The following FBXW11 variants were observed in gnomAD, a reference collection of about 807,000 sequenced individuals.
The protein encoded by FBXW11 is F-box and WD repeat domain containing 11, also known as F-box/WD repeat-containing protein 11.
A neutral mutation model predicts 77.6 loss-of-function variants in FBXW11; 19 were observed. That is an observed-to-expected ratio of 0.24 (90% CI 0.17 to 0.36). The LOEUF is 0.36. Among genes scored for constraint, FBXW11 ranks in the 10% least tolerant of loss-of-function variants. The pLI is 1.00. For synonymous variants in FBXW11, 235 were observed against 249.4 expected, an observed-to-expected ratio of 0.94 and a Z score of 0.54; for missense variants, 334 against 704.2, an observed-to-expected ratio of 0.47 and a Z score of 5.95.
At chr5:171,917,424 G>T (rs554916390) in intron 2 of FBXW11, among the ~76,000 whole-genome samples, 13 of 152,256 alleles carry the variant, frequency 8.5e-5, no homozygotes, top group Admixed American at 7.2e-4. Flanking sequence ...ACAGAGAAAT[G>T]ATGTTTACTT....
At chr5:171,991,270 C>T (rs1235811578) in intron 1 of FBXW11, among the ~76,000 whole-genome samples, 1 of 152,108 alleles carries the variant, frequency 6.6e-6, no homozygotes, top group Non-Finnish European at 1.5e-5. Context: ...CGCAGGAGGC[C>T]TAGGAATTAG....
chr5:171,902,083 C>T lies in FBXW11; in HGVS notation c.437-1983G>A, dbSNP rs1222248638. Among the ~76,000 whole-genome samples, 6 of 152,222 alleles carry T rather than the reference C, an allele frequency of 3.9e-5. No individual in the cohort carries two copies. The East Asian group carries it at 1.2e-3, about 29-fold the overall frequency. On this transcript the variant is annotated intron_variant, in intron 4 of 13. Transcript: ENST00000517395. ...GCCCAGGGCACCCACACTGCGACAT[C>T]CGGTCTGTAGTCATCTATATGTGCC... is the stretch of plus-strand genomic sequence containing the variant.
chr5:171,887,078 T>C (rs1758954199), intron 7 of FBXW11, among the ~76,000 whole-genome samples: 1 of 152,152 alleles, frequency 6.6e-6, no homozygotes, highest in South Asian at 2.1e-4. Context: ...TTTTGGAACT[T>C]GGGAAACACT....
chr5:171,949,699 A>C (rs893586281), intron 2 of FBXW11, among the ~76,000 whole-genome samples: 1 of 152,190 alleles, frequency 6.6e-6, no homozygotes, highest in Admixed American at 6.5e-5. Flanking sequence ...CTCATATAAC[A>C]ACCACAGAAA....
At chr5:171,974,876 C>A (rs1050372149) in intron 1 of FBXW11, among the ~76,000 whole-genome samples, 10 of 152,314 alleles carry the variant, frequency 6.6e-5, no homozygotes, top group Non-Finnish European at 8.8e-5. Flanking sequence ...CTCACTGCAA[C>A]CTCAACCTCC....
chr5:171,905,056 T>G (rs907455047), intron 4 of FBXW11, among the ~76,000 whole-genome samples: 44 of 152,206 alleles, frequency 2.9e-4, no homozygotes, highest in African/African-American at 1.1e-3. Context: ...TCAAATGCCA[T>G]CAGTCCAATT....
intron 13 of FBXW11, among the ~76,000 whole-genome samples, chr5:171,867,403 A>G (rs1757468502): frequency 6.6e-6 from 1 of 151,896 alleles, no homozygotes; most frequent in South Asian, 2.1e-4. Context: ...AATTCTTTTA[A>G]TTTTTTTAAG....
chr5:171,975,304 A>C (rs1764767240), intron 1 of FBXW11, among the ~76,000 whole-genome samples: 1 of 152,210 alleles, frequency 6.6e-6, no homozygotes, highest in South Asian at 2.1e-4. Flanking sequence ...GGAACATGAG[A>C]GTTTACAGAG....
intron 1 of FBXW11, among the ~76,000 whole-genome samples, chr5:171,983,681 G>C (rs535558894): frequency 2.0e-5 from 3 of 152,174 alleles, no homozygotes; most frequent in Non-Finnish European, 2.9e-5. Context: ...CTGTGTTCAT[G>C]ACTGCTGTTG....
chr5:171,936,716 A>T (rs1185264047), intron 2 of FBXW11, among the ~76,000 whole-genome samples: 1 of 152,170 alleles, frequency 6.6e-6, no homozygotes, highest in Non-Finnish European at 1.5e-5. Context: ...AACAAAAAAT[A>T]AAAATTCATA....
intron 1 of FBXW11, among the ~76,000 whole-genome samples, chr5:171,980,884 T>C (rs954034277): frequency 6.6e-6 from 1 of 152,188 alleles, no homozygotes; most frequent in East Asian, 1.9e-4. Context: ...GCCTGAGTGA[T>C]AGTATTGAGA....
intron 6 of FBXW11, among the ~76,000 whole-genome samples, chr5:171,892,229 C>T (rs1759397574): frequency 6.6e-6 from 1 of 152,212 alleles, no homozygotes; most frequent in South Asian, 2.1e-4. Context: ...AGGAGACATA[C>T]TGCATTCAGG....
Position 172,002,170 on chromosome 5 carries a change from G to A in FBXW11, c.45+4288C>T, listed in dbSNP as rs73329863. Among the ~76,000 whole-genome samples, 1,496 of 152,228 alleles carry A rather than the reference G, an allele frequency of 9.8e-3. 20 individuals carry two copies. Among genetic ancestry groups the A allele is most frequent in the African/African-American group, 0.034 (1,406 of 41,518 alleles). On this transcript the variant is annotated intron_variant, in intron 1 of 13. Transcript: ENST00000517395. The stretch of plus-strand genomic sequence containing the variant: ...CAGGCTCAAACAACACTAGTAAGAG[G>A]CATATATGTGCTGTTGTGAATCTAT...
At position 171,951,196 on chromosome 5, in the gene FBXW11, G is replaced by A. The variant is rs535186082; in HGVS notation, c.147+6401C>T. 4.3e-4 allele frequency among the ~76,000 whole-genome samples: 37 copies of A among 86,590 alleles called. No homozygotes were observed. The South Asian group carries it at 0.018, about 41-fold the overall frequency. 56.8% of individuals were successfully genotyped at this position (86,590 alleles called of 152,430 possible). On this transcript the variant is annotated intron_variant, in intron 2 of 13. Transcript: ENST00000517395. ...CTGAAGTTCCTATAATACAACCCCC[G>A]CCACAAAAGACAAAAAAAAAATTGT...
At chr5:171,967,242 G>C (rs1764239878) in intron 1 of FBXW11, among the ~76,000 whole-genome samples, 1 of 152,096 alleles carries the variant, frequency 6.6e-6, no homozygotes, top group African/African-American at 2.4e-5. Flanking sequence ...TTATCAAGGA[G>C]ACAAAATAAA....
rs576486669 is a variant in FBXW11, at chr5:171,861,897, T to C, written c.*2230A>G. 2 of 152,762 alleles carry C rather than the reference T, an allele frequency of 1.3e-5. No individual in the cohort carries two copies. Among genetic ancestry groups the C allele is most frequent in the African/African-American group, 4.8e-5 (2 of 41,564 alleles). 9.5% of individuals were successfully genotyped at this position (152,762 alleles called of 1,614,324 possible). ...GCAGTAATTTACATTTGCTCAGTTA[T>C]GGTTAGCAAAATAAAGTCCAGAGTA... On this transcript the variant is annotated 3_prime_UTR_variant, in exon 14 of 14. Coordinates refer to ENST00000517395, the MANE Select transcript of FBXW11 (RefSeq NM_001378974.1).
At position 171,905,521 on chromosome 5, in the gene FBXW11, G is replaced by A. The variant is rs887029715; in HGVS notation, c.436+5051C>T. Among the ~76,000 whole-genome samples the A allele has an allele frequency of 6.0e-5, 9 of 151,134 alleles. No individual in the cohort carries two copies. The East Asian group carries it at 1.6e-3, about 26-fold the overall frequency. On this transcript the variant is annotated intron_variant, in intron 4 of 13. Transcript: ENST00000517395. ...TCAGCAGATATCAATGGACAAGGCC[G>A]ATACACAATATTCTTCTTGTTACCT...
chr5:171,920,275 T>C (rs1309471336), intron 2 of FBXW11, among the ~76,000 whole-genome samples: 3 of 152,192 alleles, frequency 2.0e-5, no homozygotes, highest in African/African-American at 7.2e-5. Context: ...TAGGGATGAC[T>C]GGTTTGGATG....
intron 5 of FBXW11, 81 bp from the exon 6 acceptor site, chr5:171,899,175 A>G (rs1759948337): frequency 2.3e-6 from 2 of 879,890 alleles, no homozygotes; most frequent in Non-Finnish European, 3.5e-6. Flanking sequence ...TGACAAAGAT[A>G]TATCTTTCAT....
Sources: gnomAD v4.1 joint callset for allele counts (sites outside exome capture counted in the v4.1 genomes callset) on GRCh38, gnomAD v4.1.1 for gene constraint, MANE v1.5 for transcripts, NCBI Gene and HGNC (gene_info 2026-07-23, HGNC 2026-07-21) for gene names.